PHF14: variants seen among roughly 807,000 people sequenced by gnomAD.
PHF14 encodes the protein PHD finger protein 14.
In PHF14, 55 loss-of-function variants were observed where a neutral mutation model predicts 117.9. The observed-to-expected ratio is 0.47, with a 90% CI of 0.38 to 0.58. PHF14 has a LOEUF of 0.58. PHF14 is among the 20% of genes least tolerant of loss of function. The probability of loss-of-function intolerance (pLI) is 0.00; values close to 1 mark genes in which losing one functional copy is unlikely to be tolerated. For missense variants in PHF14, 978 were observed against 1,122.2 expected (o/e 0.87, Z 1.84); for synonymous variants, 409 against 368.6 (o/e 1.11, Z -1.26).
chr7:11,001,987 T>C (rs1318053784), intron 4 of PHF14, among the ~76,000 whole-genome samples: 1 of 152,174 alleles, frequency 6.6e-6, no homozygotes, highest in South Asian at 2.1e-4. Context: ...TAGGTTTTTT[T>C]TGTAGTTTCT....
chr7:11,001,704 T>C (rs1273252291), intron 4 of PHF14, among the ~76,000 whole-genome samples: 1 of 152,220 alleles, frequency 6.6e-6, no homozygotes, highest in Non-Finnish European at 1.5e-5. Context: ...AATTGGCTTT[T>C]GTATATTAAG....
chr7:11,030,729 G>A (rs1478663656), intron 7 of PHF14, among the ~76,000 whole-genome samples: 1 of 152,116 alleles, frequency 6.6e-6, no homozygotes, highest in Non-Finnish European at 1.5e-5. Context: ...GATTAATTAG[G>A]TGGGAGCCCT....
intron 17 of PHF14, among the ~76,000 whole-genome samples, chr7:11,117,449 G>A (rs1233332701): frequency 6.6e-6 from 1 of 151,754 alleles, no homozygotes; most frequent in Admixed American, 6.6e-5. Context: ...TAGCTAAGGC[G>A]AGTGATATTT....
chr7:11,088,416 A>G (rs112498886), intron 16 of PHF14, among the ~76,000 whole-genome samples: 1 of 96,302 alleles, frequency 1.0e-5, no homozygotes, highest in Non-Finnish European at 2.1e-5. Context: ...ACACACACAC[A>G]CGCACACACA....
chr7:11,017,128 A>G (rs759567726), intron 5 of PHF14, among the ~76,000 whole-genome samples: 5 of 152,140 alleles, frequency 3.3e-5, no homozygotes, highest in East Asian at 3.8e-4. Flanking sequence ...GTGTACCACA[A>G]TTTCTTTATC....
chr7:11,083,821 A>G (rs1786266905), intron 16 of PHF14, among the ~76,000 whole-genome samples: 1 of 152,148 alleles, frequency 6.6e-6, no homozygotes. Flanking sequence ...TAGTAAGATA[A>G]TTGTAAAAAT....
chr7:11,130,769 T>G lies in PHF14; in HGVS notation c.2772+19302T>G, dbSNP rs7790383. ...TTGTAATAATGACACATGTCCACCA[T>G]TACAGTGTCATACAGAATAGTTCAC... On this transcript the variant is annotated intron_variant, in intron 17 of 17. Coordinates refer to ENST00000634607, the MANE Select transcript of PHF14 (RefSeq NM_001007157.2). This position sits in a 1 kb window ranked among gnomAD's most constrained non-coding sequence, Gnocchi z 4.2. Among the ~76,000 whole-genome samples, 71,682 of 151,722 alleles carry G rather than the reference T, an allele frequency of 0.47. 17,568 individuals carry two copies. The highest frequency in any genetic ancestry group is 0.84 in the East Asian group (4,331 of 5,134).
chr7:11,094,122 A>C (rs1786752851), intron 16 of PHF14, among the ~76,000 whole-genome samples: 1 of 152,166 alleles, frequency 6.6e-6, no homozygotes, highest in South Asian at 2.1e-4. Flanking sequence ...ACTGCCAACC[A>C]GTGAATGGTC....
intron 17 of PHF14, among the ~76,000 whole-genome samples, chr7:11,120,103 T>C (rs530368598): frequency 6.6e-6 from 1 of 152,034 alleles, no homozygotes; most frequent in East Asian, 1.9e-4. Flanking sequence ...ATTGGATGCG[T>C]CGTATAGTAG....
chr7:11,078,995 G>C (rs1265868169), intron 16 of PHF14, among the ~76,000 whole-genome samples: 1 of 151,996 alleles, frequency 6.6e-6, no homozygotes. Flanking sequence ...ATGATATATG[G>C]TTGCTTTTTA....
chr7:11,051,886 G>A (rs1019881445), intron 14 of PHF14, 106 bp downstream of exon 14: 5 of 863,930 alleles, frequency 5.8e-6, no homozygotes, highest in Non-Finnish European at 8.8e-6. Context: ...CAAAGAAAAA[G>A]ACATCTATTG....
In PHF14 at chr7:10,983,092, G is replaced by C. The variant is rs1782099855; in HGVS notation, c.833G>C (p.Arg278Thr). The C allele has an allele frequency of 6.3e-6, 10 of 1,599,372 alleles. 1 individual carries two copies. In the East Asian group the frequency reaches 2.2e-4, roughly 36 times the overall value. The change falls in exon 3 of 18, where the codon AGA (arginine) becomes ACA (threonine). Residue 278 changes from arginine to threonine, a missense_variant. This residue lies in a region of PHF14 where 414 missense variants were observed against 376.4 expected (regional missense o/e 1.10). Transcript: ENST00000634607. Reference protein sequence around the residue: ...CKKKKSKVLSRNSADDEELTN... With the variant: ...CKKKKSKVLSTNSADDEELTN... The stretch of plus-strand genomic sequence containing the variant: ...AAGAAGAAGAGTAAAGTTCTTAGCA[G>C]AAACAGTGCTGATGATGAGGAACTG...
At chr7:11,017,853 C>T (rs1783586181) in intron 5 of PHF14, among the ~76,000 whole-genome samples, 1 of 152,076 alleles carries the variant, frequency 6.6e-6, no homozygotes, top group South Asian at 2.1e-4. Flanking sequence ...GAGCAATGTC[C>T]TGGATTCCCC....
intron 16 of PHF14, among the ~76,000 whole-genome samples, chr7:11,074,683 T>C (rs113545824): frequency 0.012 from 1,875 of 152,318 alleles, 18 homozygotes; most frequent in Non-Finnish European, 0.02. Context: ...GCACAAAATA[T>C]AGCCAAGTTC....
At chr7:10,990,551 T>C (rs1782414057) in intron 3 of PHF14, among the ~76,000 whole-genome samples, 152 bp from the exon 4 acceptor site, 1 of 151,986 alleles carries the variant, frequency 6.6e-6, no homozygotes, top group South Asian at 2.1e-4. Flanking sequence ...TTCTCAAATA[T>C]AATGTACTTT....
chr7:11,007,857 A>G (rs1345164997), intron 4 of PHF14, among the ~76,000 whole-genome samples: 1 of 152,198 alleles, frequency 6.6e-6, no homozygotes, highest in Non-Finnish European at 1.5e-5. Context: ...GCTAAAAGAT[A>G]GTATGCCAAA....
chr7:11,068,079 G>A (rs1019479871), intron 16 of PHF14, among the ~76,000 whole-genome samples: 2 of 152,058 alleles, frequency 1.3e-5, no homozygotes, highest in Admixed American at 6.6e-5. Flanking sequence ...GGCCGGGTGC[G>A]GTGGCTCACG....
chr7:11,096,448 A>T (rs1424133357), intron 16 of PHF14, among the ~76,000 whole-genome samples: 1 of 152,116 alleles, frequency 6.6e-6, no homozygotes, highest in African/African-American at 2.4e-5. Context: ...TTACTTTAGG[A>T]TGTTCTTATC....
intron 17 of PHF14, among the ~76,000 whole-genome samples, chr7:11,156,443 A>G (rs1287001647): frequency 6.6e-6 from 1 of 152,234 alleles, no homozygotes; most frequent in Non-Finnish European, 1.5e-5. Context: ...ATAACATTCC[A>G]TTTGAAATAA....
Sources: gnomAD v4.1 joint callset for allele counts (sites outside exome capture counted in the v4.1 genomes callset) on GRCh38, gnomAD v4.1.1 for gene constraint, gnomAD v4.1.1 regional missense constraint, Gnocchi (gnomAD v3.1) non-coding constraint, MANE v1.5 for transcripts, NCBI Gene and HGNC (gene_info 2026-07-23, HGNC 2026-07-21) for gene names.